The following TAFA2 variants were observed in gnomAD, a reference collection of about 807,000 sequenced individuals.
The protein encoded by TAFA2 is chemokine-like protein TAFA-2.
In TAFA2, 7 loss-of-function variants were observed where a neutral mutation model predicts 18.8. The observed-to-expected ratio is 0.37, with a 90% CI of 0.21 to 0.70. The LOEUF is 0.70. Ranked by LOEUF, TAFA2 falls within the 30% of genes least tolerant of loss-of-function variation. TAFA2 has a pLI of 0.53. For missense variants in TAFA2, 122 were observed against 158.1 expected (o/e 0.77, Z 1.23); for synonymous variants, 60 against 54.2 (o/e 1.11, Z -0.47).
chr12:61,951,148 G>A (rs1307736363), intron 1 of TAFA2, among the ~76,000 whole-genome samples: 2 of 152,108 alleles, frequency 1.3e-5, no homozygotes, highest in African/African-American at 2.4e-5. Context: ...AAGAAAGTCA[G>A]AAGCATCGCC....
intron 2 of TAFA2, among the ~76,000 whole-genome samples, chr12:61,853,939 A>T (rs752011141): frequency 1.2e-4 from 19 of 152,166 alleles, no homozygotes; most frequent in Non-Finnish European, 2.2e-4. Context: ...TTAAGCCAAG[A>T]AGTAAGCTTC....
intron 2 of TAFA2, among the ~76,000 whole-genome samples, chr12:61,846,538 C>G (rs1400507929): frequency 1.3e-5 from 2 of 152,078 alleles, no homozygotes; most frequent in Non-Finnish European, 2.9e-5. Context: ...GAAACTTATA[C>G]TCTGATAAAA....
intron 1 of TAFA2, among the ~76,000 whole-genome samples, chr12:62,175,667 T>C (rs1055118670): frequency 6.6e-6 from 1 of 152,138 alleles, no homozygotes; most frequent in Non-Finnish European, 1.5e-5. Context: ...TTGTTTTCTA[T>C]GACACTGAAT....
intron 1 of TAFA2, among the ~76,000 whole-genome samples, chr12:62,188,781 T>C (rs1275781228): frequency 1.3e-5 from 2 of 152,138 alleles, no homozygotes; most frequent in Admixed American, 6.5e-5. Context: ...CCTCTAAATT[T>C]TATCATTTTA....
At chr12:61,714,232 C>T (rs1040408729) in intron 4 of TAFA2, among the ~76,000 whole-genome samples, 2 of 152,142 alleles carry the variant, frequency 1.3e-5, no homozygotes, top group African/African-American at 4.8e-5. Flanking sequence ...GCGCTATAAT[C>T]ACTATCTCAG....
In TAFA2 at chr12:61,709,176, A is replaced by C. The variant is rs1390506391; in HGVS notation, c.*1230T>G. 3 of 152,562 alleles carry C rather than the reference A, an allele frequency of 2.0e-5. No individual in the cohort carries two copies. The highest frequency in any genetic ancestry group is 2.9e-5 in the Non-Finnish European group (2 of 68,004). 9.5% of individuals were successfully genotyped at this position (152,562 alleles called of 1,614,324 possible). ...ATACATTCTATAACTTAGAAAAAAAAAGTACATACATGTTTAAGGCCTTTA... is the reference window on the plus strand; with the variant it reads ...ATACATTCTATAACTTAGAAAAAAACAGTACATACATGTTTAAGGCCTTTA... On this transcript the variant is annotated 3_prime_UTR_variant, in exon 5 of 5. Coordinates refer to ENST00000416284, the MANE Select transcript of TAFA2 (RefSeq NM_178539.5).
intron 2 of TAFA2, among the ~76,000 whole-genome samples, chr12:61,773,795 C>T (rs1870136859): frequency 6.6e-6 from 1 of 151,914 alleles, no homozygotes; most frequent in African/African-American, 2.4e-5. Context: ...TTGGCTTAGG[C>T]AAAGCGTTCA....
At chr12:61,959,747 A>T (rs1378991832) in intron 1 of TAFA2, among the ~76,000 whole-genome samples, 2 of 152,074 alleles carry the variant, frequency 1.3e-5, no homozygotes, top group Non-Finnish European at 2.9e-5. Flanking sequence ...GATTTTACAT[A>T]TTATTTCTGT....
intron 2 of TAFA2, among the ~76,000 whole-genome samples, chr12:61,784,341 A>G (rs1020462844): frequency 6.6e-6 from 1 of 151,502 alleles, no homozygotes; most frequent in African/African-American, 2.4e-5. Context: ...GGAGCATAGT[A>G]CTGCCAAACA....
chr12:62,188,490 A>C (rs2062600488), intron 1 of TAFA2, among the ~76,000 whole-genome samples: 1 of 152,188 alleles, frequency 6.6e-6, no homozygotes, highest in South Asian at 2.1e-4. Context: ...GTAAATGTTC[A>C]TCAGTTTGCA....
intron 1 of TAFA2, among the ~76,000 whole-genome samples, chr12:61,939,088 C>T (rs943645006): frequency 6.6e-6 from 1 of 152,096 alleles, no homozygotes; most frequent in African/African-American, 2.4e-5. Context: ...GTATACCTAT[C>T]GTTACTGAGC....
rs562195411 is a variant in TAFA2 at position 61,924,688 on chromosome 12, G to A, written c.-1-57262C>T. Among the ~76,000 whole-genome samples, 19 of 152,234 alleles carry A rather than the reference G, an allele frequency of 1.2e-4. No individual in the cohort carries two copies. The East Asian group carries it at 3.7e-3, about 29-fold the overall frequency. ...ATGAAGAAAGTGTATGAACGAATGG[G>A]TAAAATAACCAGCTACCATCATAAT... On this transcript the variant is annotated intron_variant, in intron 1 of 4. Transcript: ENST00000416284.
intron 1 of TAFA2, among the ~76,000 whole-genome samples, chr12:62,077,774 CA>C (rs1565737011): frequency 6.6e-6 from 1 of 152,088 alleles, no homozygotes; most frequent in Non-Finnish European, 1.5e-5. Flanking sequence ...GTACCTCATC[CA>C]CAGCCATGAA....
intron 1 of TAFA2, among the ~76,000 whole-genome samples, chr12:61,955,399 C>A (rs1298983822): frequency 6.6e-6 from 1 of 150,738 alleles, no homozygotes; most frequent in Non-Finnish European, 1.5e-5. Flanking sequence ...GTCAAGAGAT[C>A]GAGACCATCC....
At chr12:61,840,941 C>T (rs1347398861) in intron 2 of TAFA2, among the ~76,000 whole-genome samples, 1 of 152,110 alleles carries the variant, frequency 6.6e-6, no homozygotes, top group Admixed American at 6.6e-5. Context: ...CAACCATCAA[C>T]ATAAAAGTGT....
chr12:61,722,863 T>C (rs1869970286), intron 4 of TAFA2, among the ~76,000 whole-genome samples: 1 of 152,126 alleles, frequency 6.6e-6, no homozygotes, highest in African/African-American at 2.4e-5. Flanking sequence ...TTCCCTGCTG[T>C]TCCTCCTCCT....
At chr12:61,796,512 A>C (rs1000803350) in intron 2 of TAFA2, among the ~76,000 whole-genome samples, 1 of 152,096 alleles carries the variant, frequency 6.6e-6, no homozygotes, top group African/African-American at 2.4e-5. Context: ...ATAACAAATC[A>C]ATGGTTGCCC....
At chr12:61,746,025 G>A (rs1241014923) in intron 4 of TAFA2, among the ~76,000 whole-genome samples, 1 of 151,788 alleles carries the variant, frequency 6.6e-6, no homozygotes, top group Non-Finnish European at 1.5e-5. Flanking sequence ...AGAGCCTCCT[G>A]ATGATGGCTA....
At chr12:62,119,783 A>G (rs184488048) in intron 1 of TAFA2, among the ~76,000 whole-genome samples, 1 of 152,262 alleles carries the variant, frequency 6.6e-6, no homozygotes, top group Admixed American at 6.5e-5. Flanking sequence ...TGTAAAAGCA[A>G]AAGGGTTTGG....
Sources: allele counts gnomAD v4.1 joint callset (sites outside exome capture counted in the v4.1 genomes callset), GRCh38; gene constraint gnomAD v4.1.1; transcripts MANE v1.5; gene names NCBI Gene and HGNC (gene_info 2026-07-23, HGNC 2026-07-21).